The following NTSR1 variants were observed in gnomAD, a reference collection of about 807,000 sequenced individuals.
NTSR1 encodes neurotensin receptor 1.
NTSR1 carries 29 observed loss-of-function variants against 31.2 expected under a neutral mutation model. The observed-to-expected ratio is 0.93, with a 90% confidence interval of 0.69 to 1.27. The LOEUF (loss-of-function observed/expected upper bound fraction) is 1.27. Among genes scored for constraint, NTSR1 ranks in the 50% most tolerant of loss-of-function variants. The pLI, the probability that NTSR1 is intolerant of heterozygous loss-of-function variation, is 0.00. For synonymous variants in NTSR1, 282 were observed against 269.9 expected, an observed-to-expected ratio of 1.04 and a Z score of -0.44; for missense variants, 697 against 595.4, an observed-to-expected ratio of 1.17 and a Z score of -1.78.
rs972362124 is a variant in NTSR1, at chr20:62,742,892, T to C, written c.715-11793T>C. 6.7e-6 allele frequency among the ~76,000 whole-genome samples: 1 copy of C among 149,584 alleles called. No individual in the cohort carries two copies. The highest frequency in any genetic ancestry group is 1.5e-5 in the Non-Finnish European group (1 of 68,018). Reference sequence around the variant, plus strand: ...TGTGAGGTGGTCACAGTGGCTCTGGTGTGGCCGTGGGGTTCCTGTTCATCC... The same window carrying C: ...TGTGAGGTGGTCACAGTGGCTCTGGCGTGGCCGTGGGGTTCCTGTTCATCC... On this transcript the variant is annotated intron_variant, in intron 1 of 3. Transcript: ENST00000370501. The surrounding 1 kb of genome is among the most constrained non-coding windows in gnomAD (Gnocchi z 7.1).
intron 1 of NTSR1, among the ~76,000 whole-genome samples, chr20:62,719,316 ATG>A (rs1988790417): frequency 6.6e-6 from 1 of 152,120 alleles, no homozygotes; most frequent in African/African-American, 2.4e-5. Flanking sequence ...TAGTCAGTTA[ATG>A]TGGTGAATTA....
chr20:62,762,366 T>C lies in NTSR1; in HGVS notation c.*2099T>C, dbSNP rs1489659345. 2.0e-5 allele frequency: 3 copies of C among 152,204 alleles called. No individual in the cohort carries two copies. In the East Asian group the frequency reaches 5.8e-4, roughly 29 times the overall value. The allele number at this position is 152,204 out of a possible 1,614,324, so 9.4% of individuals were successfully genotyped here. ...AATGGTGTCTCTCAGGATGGTGCTCTGAGAGAGGGCAGAGTGGATGCCCCA... is the reference window on the plus strand; with the variant it reads ...AATGGTGTCTCTCAGGATGGTGCTCCGAGAGAGGGCAGAGTGGATGCCCCA... On this transcript the variant is annotated 3_prime_UTR_variant, in exon 4 of 4. Transcript: ENST00000370501.
Position 62,726,226 on chromosome 20 carries a change from C to T in NTSR1, c.714+16305C>T, listed in dbSNP as rs73918645. On this transcript the variant is annotated intron_variant, in intron 1 of 3. Transcript: ENST00000370501. ...AAAATTGTCAGCTGGGATCACCTTG[C>T]AGAAACCCAGTTAAAACCCAAGCAC... Among the ~76,000 whole-genome samples, 1,338 of 152,304 alleles carry T rather than the reference C, an allele frequency of 8.8e-3. 23 individuals are homozygous for T. Among genetic ancestry groups the T allele is most frequent in the African/African-American group, 0.031 (1,281 of 41,560 alleles).
chr20:62,717,087 G>A (rs1436606908), intron 1 of NTSR1, among the ~76,000 whole-genome samples: 1 of 152,254 alleles, frequency 6.6e-6, no homozygotes, highest in African/African-American at 2.4e-5. Flanking sequence ...CCAGAGCGGG[G>A]CAAGGCGCCT....
At chr20:62,724,659 G>A (rs188959857) in intron 1 of NTSR1, among the ~76,000 whole-genome samples, 88 of 152,302 alleles carry the variant, frequency 5.8e-4, no homozygotes, top group African/African-American at 2.1e-3. Flanking sequence ...CAGAAACCCC[G>A]AGGGTCTCCT....
In NTSR1 at chr20:62,760,046, T is replaced by C. The variant is rs1282658946; in HGVS notation, c.1036T>C (p.Tyr346His). The change falls in exon 4 of 4, where the codon TAC (tyrosine) becomes CAC (histidine). Residue 346 changes from tyrosine (Y) to histidine (H), a missense_variant. Transcript: ENST00000370501. ...CCTCTATGACTTCTACCACTACTTC[T>C]ACATGGTGACCAACGCACTCTTCTA... Reference protein sequence around the residue: ...PFLYDFYHYFYMVTNALFYVS... With the variant: ...PFLYDFYHYFHMVTNALFYVS... 3 of 1,613,984 alleles carry C rather than the reference T, an allele frequency of 1.9e-6. No individual in the cohort carries two copies. The highest frequency in any genetic ancestry group is 1.7e-6 in the Non-Finnish European group (2 of 1,180,000).
At chr20:62,729,332 G>T (rs1288766494) in intron 1 of NTSR1, among the ~76,000 whole-genome samples, 5 of 152,244 alleles carry the variant, frequency 3.3e-5, no homozygotes, top group Non-Finnish European at 7.3e-5. Flanking sequence ...GCCCACTGGG[G>T]AGAGATGAGA....
In NTSR1 at chr20:62,733,163, A is replaced by AAGTTCTTT. The variant is rs113247483; in HGVS notation, c.715-21522_715-21521insAGTTCTTT. ...AGTAAATGTCATCGGCAGTGTGTAGACGTTCTTTCGGAAGAAGATCTGTCA... is the reference window on the plus strand; with the variant it reads ...AGTAAATGTCATCGGCAGTGTGTAGAAGTTCTTTCGTTCTTTCGGAAGAAGATCTGTCA... On this transcript the variant is annotated intron_variant, in intron 1 of 3. Transcript: ENST00000370501. The surrounding 1 kb of genome is among the most constrained non-coding windows in gnomAD (Gnocchi z 5.2). The AAGTTCTTT allele has an allele frequency of 1.3e-5, 2 of 151,438 alleles. No homozygotes were observed. Among genetic ancestry groups the AAGTTCTTT allele is most frequent in the Admixed American group, 6.6e-5 (1 of 15,222 alleles). 9.4% of individuals were successfully genotyped at this position (151,438 alleles called of 1,614,324 possible).
intron 1 of NTSR1, among the ~76,000 whole-genome samples, chr20:62,734,462 A>G (rs1989051825): frequency 6.6e-6 from 1 of 152,170 alleles, no homozygotes; most frequent in South Asian, 2.1e-4. Context: ...AAAATGAGTA[A>G]CTCATTCTTG....
chr20:62,737,098 C>A lies in NTSR1; in HGVS notation c.715-17587C>A, dbSNP rs530549422. Among the ~76,000 whole-genome samples, 7 of 152,378 alleles carry A rather than the reference C, an allele frequency of 4.6e-5. No individual in the cohort carries two copies. The East Asian group carries it at 1.3e-3, about 29-fold the overall frequency. On this transcript the variant is annotated intron_variant, in intron 1 of 3. Transcript: ENST00000370501. ...ACACAGTCTCGGCAGTTCTTTAGAG[C>A]AGTGCGAAAATGGACTCACACACTT...
rs1461241891 is a variant in NTSR1 at position 62,714,934 on chromosome 20, T to C, written c.714+5013T>C. On this transcript the variant is annotated intron_variant, in intron 1 of 3. Coordinates refer to ENST00000370501, the MANE Select transcript of NTSR1 (RefSeq NM_002531.3). This position sits in a 1 kb window ranked among gnomAD's most constrained non-coding sequence, Gnocchi z 4.1. ...GTTGTGGGTATGGTTTTCAAAATGG[T>C]CCTGCTCTCTTAGAGGTACATGCGG... 6.6e-6 allele frequency among the ~76,000 whole-genome samples: 1 copy of C among 152,122 alleles called. No homozygotes were observed. Among genetic ancestry groups the C allele is most frequent in the Non-Finnish European group, 1.5e-5 (1 of 68,022 alleles).
In NTSR1 at chr20:62,732,718, C is replaced by T. The variant is rs1056679166; in HGVS notation, c.715-21967C>T. On this transcript the variant is annotated intron_variant, in intron 1 of 3. Coordinates refer to ENST00000370501, the MANE Select transcript of NTSR1 (RefSeq NM_002531.3). The surrounding 1 kb of genome is among the most constrained non-coding windows in gnomAD (Gnocchi z 4.0). ...TTTGTTATTGGGGTAATGCCGGCCTCGTAGAGTGAGTTATAAAGTGTTCCT... is the reference window on the plus strand; with the variant it reads ...TTTGTTATTGGGGTAATGCCGGCCTTGTAGAGTGAGTTATAAAGTGTTCCT... 51 of 152,182 alleles carry T rather than the reference C, an allele frequency of 3.4e-4. 3 individuals carry two copies. The highest frequency in any genetic ancestry group is 2.4e-5 in the African/African-American group (1 of 41,422). The allele number at this position is 152,182 out of a possible 1,614,324, so 9.4% of individuals were successfully genotyped here. A position where few individuals can be genotyped will look rare whatever the true frequency, so the allele number is the denominator to read the frequency against.
At chr20:62,718,085 C>T (rs1210142791) in intron 1 of NTSR1, among the ~76,000 whole-genome samples, 1 of 152,174 alleles carries the variant, frequency 6.6e-6, no homozygotes, top group Non-Finnish European at 1.5e-5. Context: ...AGGAACAGCG[C>T]TGGCCTGGCG....
chr20:62,754,528 C>T (rs1000038499), intron 1 of NTSR1, among the ~76,000 whole-genome samples, 157 bp from the exon 2 acceptor site: 5 of 152,126 alleles, frequency 3.3e-5, no homozygotes, highest in East Asian at 3.9e-4. Context: ...CCATGTCTTC[C>T]GGGCAGCCGG....
At chr20:62,752,827 C>G (rs1370780856) in intron 1 of NTSR1, among the ~76,000 whole-genome samples, 1 of 152,094 alleles carries the variant, frequency 6.6e-6, no homozygotes, top group Admixed American at 6.6e-5. Context: ...TTTTACCTGC[C>G]CCCAGTCTCA....
Position 62,760,179 on chromosome 20 carries a change from G to A in NTSR1, c.1169G>A (p.Arg390Lys), listed in dbSNP as rs1363809325. 6.2e-7 allele frequency: 1 copy of A among 1,613,966 alleles called. No homozygotes were observed. Among genetic ancestry groups the A allele is most frequent in the Admixed American group, 1.7e-5 (1 of 60,014 alleles). Residue 390 changes from arginine (R) to lysine (K), a missense_variant, in exon 4 of 4, where the codon AGG (arginine) becomes AAG (lysine). By Grantham distance (26) the Arg-to-Lys change is conservative. Transcript: ENST00000370501. Reference sequence around the variant, plus strand: ...CTCTGCCCGGTGTGGCGGCGCAGGAGGAAGAGGCCAGCCTTCTCGAGGAAG... The same window carrying A: ...CTCTGCCCGGTGTGGCGGCGCAGGAAGAAGAGGCCAGCCTTCTCGAGGAAG... Reference protein sequence around the residue: ...ACLCPVWRRRRKRPAFSRKAD... With the variant: ...ACLCPVWRRRKKRPAFSRKAD...
At chr20:62,730,297 A>T (rs967222924) in intron 1 of NTSR1, among the ~76,000 whole-genome samples, 1 of 151,964 alleles carries the variant, frequency 6.6e-6, no homozygotes. Flanking sequence ...TGATCCTCTT[A>T]CTGTCTTTCC....
In NTSR1 at chr20:62,754,811, G is replaced by A. The variant is rs1989454590; in HGVS notation, c.841G>A (p.Gly281Ser). Residue 281 changes from glycine to serine, a missense_variant, in exon 2 of 4, where the codon GGC (glycine) becomes AGC (serine). By Grantham distance (56) the Gly-to-Ser change is moderately conservative. Transcript: ENST00000370501. The stretch of plus-strand genomic sequence containing the variant: ...GCAGGGCCAAGTGTGCACGGTCGGG[G>A]GCGAGCACAGCACATTCAGCATGGC... Reference protein sequence around the residue: ...AEQGQVCTVGGEHSTFSMAIE... With the variant: ...AEQGQVCTVGSEHSTFSMAIE... 6.2e-7 allele frequency: 1 copy of A among 1,610,222 alleles called. No homozygotes were observed. The highest frequency in any genetic ancestry group is 1.3e-5 in the African/African-American group (1 of 74,874).
chr20:62,757,194 T>G (rs186159012), intron 2 of NTSR1, among the ~76,000 whole-genome samples: 1 of 152,282 alleles, frequency 6.6e-6, no homozygotes, highest in East Asian at 1.9e-4. Flanking sequence ...TCCTAGGAGT[T>G]TTATGGTTTT....
Sources: allele counts gnomAD v4.1 joint callset (sites outside exome capture counted in the v4.1 genomes callset), GRCh38; gene constraint gnomAD v4.1.1; non-coding constraint Gnocchi (gnomAD v3.1); transcripts MANE v1.5; gene names NCBI Gene and HGNC (gene_info 2026-07-23, HGNC 2026-07-21).